BTBD9: variants seen among roughly 807,000 people sequenced by gnomAD.
The protein encoded by BTBD9 is BTB domain containing 9.
Under a neutral mutation model 64.3 loss-of-function variants are expected in BTBD9, and 49 were observed. That is an observed-to-expected ratio of 0.76 (90% CI 0.61 to 0.97). The LOEUF (loss-of-function observed/expected upper bound fraction) is 0.97, where lower values mean the gene tolerates loss of function less well. Among genes scored for constraint, BTBD9 ranks in the 50% least tolerant of loss-of-function variants. BTBD9 has a pLI of 0.00. For synonymous variants in BTBD9, 260 were observed against 274.7 expected (o/e 0.95, Z 0.53); for missense variants, 598 against 762.1 (o/e 0.78, Z 2.53).
Position 38,169,462 on chromosome 6 carries a change from G to A in BTBD9, c.*5523C>T, listed in dbSNP as rs1335057466. 2 of 128,802 alleles carry A rather than the reference G, an allele frequency of 1.6e-5. No individual in the cohort carries two copies. The highest frequency in any genetic ancestry group is 3.4e-5 in the Non-Finnish European group (2 of 58,922). The allele number at this position is 128,802 out of a possible 1,614,324, so 8.0% of individuals were successfully genotyped here. ...CATAAACCCCTGGGGCTCATGTGGT[G>A]GGGAGCAATTTGGCAGCAGACGGAC... On this transcript the variant is annotated 3_prime_UTR_variant, in exon 11 of 11. Transcript: ENST00000481247.
intron 6 of BTBD9, among the ~76,000 whole-genome samples, chr6:38,476,080 T>C (rs2127374377): frequency 6.6e-6 from 1 of 152,344 alleles, no homozygotes; most frequent in South Asian, 2.1e-4. Context: ...TAATTTGGGG[T>C]TGCCATTGTG....
chr6:38,206,423 TAG>T (rs1270446465), intron 9 of BTBD9, among the ~76,000 whole-genome samples: 1 of 151,960 alleles, frequency 6.6e-6, no homozygotes, highest in African/African-American at 2.4e-5. Context: ...GTATTTTTAG[TAG>T]AGATGGGGTT....
chr6:38,339,697 A>C (rs1764029297), intron 7 of BTBD9, among the ~76,000 whole-genome samples: 1 of 152,186 alleles, frequency 6.6e-6, no homozygotes, highest in African/African-American at 2.4e-5. Context: ...GCAGGAATAG[A>C]AGCTTCATTT....
intron 6 of BTBD9, among the ~76,000 whole-genome samples, chr6:38,456,275 A>G (rs897353455): frequency 6.6e-6 from 1 of 152,224 alleles, no homozygotes; most frequent in Non-Finnish European, 1.5e-5. Flanking sequence ...TGACTGAGCC[A>G]CTGTGCCCGA....
At position 38,427,803 on chromosome 6, in the gene BTBD9, A is replaced by G. The variant is rs1291453802; in HGVS notation, c.1155-82710T>C. Among the ~76,000 whole-genome samples, 11 of 151,964 alleles carry G rather than the reference A, an allele frequency of 7.2e-5. 1 individual carries two copies. Among genetic ancestry groups the G allele is most frequent in the African/African-American group, 2.4e-4 (10 of 41,232 alleles). The stretch of plus-strand genomic sequence containing the variant: ...TAGGTCAACCATTCTCTACTTGACT[A>G]ATTATAATGCAGCACAATAACGATG... On this transcript the variant is annotated intron_variant, in intron 6 of 10. Transcript: ENST00000481247.
At chr6:38,522,807 G>A (rs1773326946) in intron 6 of BTBD9, among the ~76,000 whole-genome samples, 1 of 152,156 alleles carries the variant, frequency 6.6e-6, no homozygotes, top group South Asian at 2.1e-4. Context: ...CCCACAGACA[G>A]CTCCCTATTC....
chr6:38,488,646 G>C (rs1771563277), intron 6 of BTBD9, among the ~76,000 whole-genome samples: 6 of 152,140 alleles, frequency 3.9e-5, no homozygotes, highest in Admixed American at 3.9e-4. Context: ...TAAAACGTCA[G>C]ACGAAAACCA....
intron 7 of BTBD9, among the ~76,000 whole-genome samples, chr6:38,302,142 C>G (rs1388337365): frequency 6.6e-6 from 1 of 152,054 alleles, no homozygotes; most frequent in Non-Finnish European, 1.5e-5. Context: ...ATTCACAATC[C>G]TCTCTTCTAG....
intron 1 of BTBD9, among the ~76,000 whole-genome samples, chr6:38,634,699 T>C (rs1166349914): frequency 6.6e-6 from 1 of 152,028 alleles, no homozygotes; most frequent in Non-Finnish European, 1.5e-5. Context: ...AATCATATCC[T>C]CCCCATGACT....
At chr6:38,592,181 C>CAAAA (rs199989280) in intron 4 of BTBD9, among the ~76,000 whole-genome samples, 1 of 110,704 alleles carries the variant, frequency 9.0e-6, no homozygotes, top group African/African-American at 3.2e-5. Flanking sequence ...AACTCCATCT[C>CAAAA]AAAAAAAAAA....
intron 9 of BTBD9, among the ~76,000 whole-genome samples, chr6:38,247,689 T>C (rs1238467532): frequency 6.6e-6 from 1 of 152,198 alleles, no homozygotes. Context: ...GAAGCGGGCT[T>C]TAAGGAGCCC....
In BTBD9 at chr6:38,592,837, C is replaced by T. The variant is rs771599435; in HGVS notation, c.553G>A (p.Ala185Thr). 1.2e-6 allele frequency: 2 copies of T among 1,613,700 alleles called. No homozygotes were observed. The highest frequency in any genetic ancestry group is 3.3e-5 in the Admixed American group (2 of 60,004). The change falls in exon 4 of 11, where the codon GCA (alanine) becomes ACA (threonine). Residue 185 changes from alanine to threonine, a missense_variant. By Grantham distance (58) the Ala-to-Thr change is moderately conservative. Coordinates refer to ENST00000481247, the MANE Select transcript of BTBD9 (RefSeq NM_001099272.2). ...SEGFLSLSKT[A>T]LLNIVLRDSF... ...TCTCTTAACACGATGTTTAAAAGTGCTGTCTGAAAAGGATAAAAAGGTAAA... is the reference window on the plus strand; with the variant it reads ...TCTCTTAACACGATGTTTAAAAGTGTTGTCTGAAAAGGATAAAAAGGTAAA...
chr6:38,355,415 G>A (rs542736201), intron 6 of BTBD9, among the ~76,000 whole-genome samples: 1 of 152,136 alleles, frequency 6.6e-6, no homozygotes, highest in African/African-American at 2.4e-5. Context: ...AGTTTGGCAA[G>A]GCTGTTTTTT....
intron 6 of BTBD9, among the ~76,000 whole-genome samples, chr6:38,378,089 T>C (rs1299899654): frequency 6.6e-6 from 1 of 151,982 alleles, no homozygotes; most frequent in Non-Finnish European, 1.5e-5. Flanking sequence ...CTCCGCCCCG[T>C]CCTCCCAGTG....
intron 6 of BTBD9, among the ~76,000 whole-genome samples, chr6:38,406,866 T>C (rs1411384239): frequency 6.6e-6 from 1 of 152,116 alleles, no homozygotes; most frequent in Non-Finnish European, 1.5e-5. Flanking sequence ...GCCTCCTGAG[T>C]AGCTGGGACT....
At chr6:38,181,397 T>C (rs1275244877) in intron 10 of BTBD9, among the ~76,000 whole-genome samples, 2 of 152,234 alleles carry the variant, frequency 1.3e-5, no homozygotes, top group Admixed American at 1.3e-4. Context: ...ATAAGTCAGA[T>C]GCAAAGCCAT....
intron 6 of BTBD9, among the ~76,000 whole-genome samples, chr6:38,526,738 G>A (rs1455733072): frequency 6.6e-6 from 1 of 152,212 alleles, no homozygotes; most frequent in Admixed American, 6.5e-5. Context: ...GGACTTGCAT[G>A]AGGCCTGTAG....
intron 6 of BTBD9, among the ~76,000 whole-genome samples, chr6:38,421,694 C>T (rs1176155509): frequency 6.6e-6 from 1 of 152,064 alleles, no homozygotes; most frequent in Non-Finnish European, 1.5e-5. Context: ...GACGAGAGGC[C>T]GACTCTACTG....
At chr6:38,382,986 A>G (rs904728025) in intron 6 of BTBD9, among the ~76,000 whole-genome samples, 1 of 152,200 alleles carries the variant, frequency 6.6e-6, no homozygotes, top group African/African-American at 2.4e-5. Context: ...CAATTTTAAT[A>G]TATACAAATT....
Sources: allele counts gnomAD v4.1 joint callset (sites outside exome capture counted in the v4.1 genomes callset), GRCh38; gene constraint gnomAD v4.1.1; transcripts MANE v1.5; gene names NCBI Gene and HGNC (gene_info 2026-07-23, HGNC 2026-07-21).